The following DPP6 variants were observed in gnomAD, a reference collection of about 807,000 sequenced individuals.
DPP6 encodes A-type potassium channel modulatory protein DPP6.
In DPP6, 69 loss-of-function variants were observed where a neutral mutation model predicts 122.6. The ratio of observed to expected loss-of-function variants is 0.56; its 90% CI spans 0.46 to 0.69. The LOEUF is 0.69. Ranked by LOEUF, DPP6 falls within the 30% of genes least tolerant of loss-of-function variation. DPP6 has a pLI of 0.00. For missense variants in DPP6, 928 were observed against 1,116.9 expected, an observed-to-expected ratio of 0.83 and a Z score of 2.41; for synonymous variants, 418 against 433.1, an observed-to-expected ratio of 0.97 and a Z score of 0.43.
At chr7:154,642,836 A>G (rs927203888) in intron 6 of DPP6, among the ~76,000 whole-genome samples, 18 of 152,046 alleles carry the variant, frequency 1.2e-4, no homozygotes, top group Non-Finnish European at 2.2e-4. Flanking sequence ...TGGGAGTCGG[A>G]GGTTGCAGTG....
intron 3 of DPP6, among the ~76,000 whole-genome samples, chr7:154,478,950 T>TTTTGTTTG (rs74495057): frequency 0.13 from 20,200 of 150,658 alleles, 1,560 homozygotes; most frequent in Middle Eastern, 0.2. Context: ...TGATTTTGTT[T>TTTTGTTTG]TTTGTTTGTT....
At chr7:154,487,526 C>G (rs1397229769) in intron 3 of DPP6, among the ~76,000 whole-genome samples, 1 of 152,180 alleles carries the variant, frequency 6.6e-6, no homozygotes, top group Non-Finnish European at 1.5e-5. Context: ...GACCAGGATG[C>G]AGGAGTTTGT....
upstream of DPP6, among the ~76,000 whole-genome samples, chr7:154,049,650 C>T (rs1204077031): frequency 7.0e-6 from 1 of 143,760 alleles, no homozygotes; most frequent in South Asian, 2.2e-4. Context: ...TGCAGTGGCG[C>T]GATCTCGGCT....
At chr7:154,174,270 C>T (rs1356973053) in intron 1 of DPP6, among the ~76,000 whole-genome samples, 1 of 152,202 alleles carries the variant, frequency 6.6e-6, no homozygotes, top group Non-Finnish European at 1.5e-5. Context: ...AAAGAACAAC[C>T]TTACGTGGTT....
intron 2 of DPP6, among the ~76,000 whole-genome samples, chr7:154,460,723 C>T (rs1254598369): frequency 6.6e-6 from 1 of 152,052 alleles, no homozygotes; most frequent in Non-Finnish European, 1.5e-5. Flanking sequence ...TCTGTGGGTA[C>T]ATAGTAGGTA....
chr7:153,827,448 G>A, the DPP6 span, among the ~76,000 whole-genome samples: 1 of 152,260 alleles, frequency 6.6e-6, no homozygotes, highest in African/African-American at 2.4e-5. Context: ...AAGAAGGAGG[G>A]AAGAAGGCAG....
intron 1 of DPP6, among the ~76,000 whole-genome samples, chr7:154,239,818 C>CA (rs146860382): frequency 0.24 from 21,790 of 91,638 alleles, 2,591 homozygotes; most frequent in African/African-American, 0.39. Context: ...ACTAAAACTA[C>CA]AAAAAAAAAA....
At chr7:154,467,528 A>G (rs1056198910) in intron 2 of DPP6, among the ~76,000 whole-genome samples, 2 of 152,042 alleles carry the variant, frequency 1.3e-5, no homozygotes, top group Non-Finnish European at 2.9e-5. Context: ...TTTTCCTTCT[A>G]CCATGATTGT....
At chr7:153,966,720 C>A (rs895513579) in intron 1 of DPP6, among the ~76,000 whole-genome samples, 5 of 151,772 alleles carry the variant, frequency 3.3e-5, no homozygotes, top group African/African-American at 9.7e-5. Context: ...AAACAAAATA[C>A]TATGAGTAGA....
At chr7:154,201,080 C>A (rs1309784923) in intron 1 of DPP6, among the ~76,000 whole-genome samples, 3 of 152,236 alleles carry the variant, frequency 2.0e-5, no homozygotes, top group Non-Finnish European at 4.4e-5. Flanking sequence ...AGCAGAGATA[C>A]AAACTTGCAT....
At chr7:154,710,044 A>C (rs1173627918) in intron 7 of DPP6, among the ~76,000 whole-genome samples, 2 of 152,208 alleles carry the variant, frequency 1.3e-5, no homozygotes, top group African/African-American at 2.4e-5. Flanking sequence ...GACGTCACAC[A>C]TGTGCACCTC....
At chr7:154,669,212 T>C (rs1160433134) in intron 6 of DPP6, 148 bp from the exon 7 acceptor site, 2 of 1,208,716 alleles carry the variant, frequency 1.7e-6, no homozygotes, top group African/African-American at 3.1e-5. Flanking sequence ...TGAGACATAT[T>C]ACTTAGTAAC....
chr7:154,114,838 C>T (rs1280362924), intron 1 of DPP6, among the ~76,000 whole-genome samples: 4 of 152,330 alleles, frequency 2.6e-5, no homozygotes, highest in African/African-American at 9.6e-5. Context: ...CACCTGACTT[C>T]GGCAACATCT....
intron 1 of DPP6, among the ~76,000 whole-genome samples, chr7:154,023,127 T>G (rs1002707724): frequency 1.3e-5 from 2 of 151,864 alleles, no homozygotes; most frequent in African/African-American, 4.9e-5. Context: ...GAATGTACCT[T>G]TAGTGAGTCC....
chr7:154,321,924 G>A (rs1808000722), intron 1 of DPP6, among the ~76,000 whole-genome samples: 1 of 151,934 alleles, frequency 6.6e-6, no homozygotes. Context: ...AGCTGACACA[G>A]AATTGCAAAA....
At chr7:153,947,506 A>ATAC (rs993472379) in intron 1 of DPP6, among the ~76,000 whole-genome samples, 8 of 152,174 alleles carry the variant, frequency 5.3e-5, no homozygotes, top group Admixed American at 4.6e-4. Context: ...AATAATAATA[A>ATAC]TAAGAGAAAA....
chr7:153,978,853 G>A (rs898996448), intron 1 of DPP6, among the ~76,000 whole-genome samples: 1 of 151,952 alleles, frequency 6.6e-6, no homozygotes, highest in African/African-American at 2.4e-5. Context: ...AGATCAGATG[G>A]TTGTAGTTGT....
intron 16 of DPP6, among the ~76,000 whole-genome samples, chr7:154,824,340 C>G (rs1800001009): frequency 6.6e-6 from 1 of 152,172 alleles, no homozygotes; most frequent in African/African-American, 2.4e-5. Context: ...AGTGCAGTGG[C>G]GAGACCTCGG....
At chr7:154,253,530 TGACTA>T (rs1047069693) in intron 1 of DPP6, among the ~76,000 whole-genome samples, 33 of 152,370 alleles carry the variant, frequency 2.2e-4, no homozygotes, top group African/African-American at 7.0e-4. Flanking sequence ...AGAAATGACT[TGACTA>T]GACGTGATTT....
Sources: gnomAD v4.1 joint callset for allele counts (sites outside exome capture counted in the v4.1 genomes callset) on GRCh38, gnomAD v4.1.1 for gene constraint, MANE v1.5 for transcripts, NCBI Gene and HGNC (gene_info 2026-07-23, HGNC 2026-07-21) for gene names.